POLN: variants seen among roughly 807,000 people sequenced by gnomAD.
POLN encodes DNA polymerase nu.
A neutral mutation model predicts 113.5 loss-of-function variants in POLN; 108 were observed. The observed-to-expected ratio is 0.95, with a 90% CI of 0.81 to 1.12. POLN has a LOEUF of 1.12. Among genes scored for constraint, POLN ranks in the 50% most tolerant of loss-of-function variants. POLN has a pLI of 0.00. For synonymous variants in POLN, 386 were observed against 391.5 expected, an observed-to-expected ratio of 0.99 and a Z score of 0.17; for missense variants, 1,097 against 1,077.1, an observed-to-expected ratio of 1.02 and a Z score of -0.26.
intron 16 of POLN, among the ~76,000 whole-genome samples, chr4:2,138,824 G>A (rs949597495): frequency 6.6e-6 from 1 of 151,970 alleles, no homozygotes; most frequent in African/African-American, 2.4e-5. Flanking sequence ...AACCCGGGAG[G>A]CAGAGGTTAC....
chr4:2,188,185 C>T (rs1733327841), intron 7 of POLN, among the ~76,000 whole-genome samples: 1 of 152,122 alleles, frequency 6.6e-6, no homozygotes, highest in Non-Finnish European at 1.5e-5. Context: ...ATTCTGTGCC[C>T]AGCAAAGCTA....
chr4:2,207,618 A>G (rs1353291498), intron 5 of POLN, among the ~76,000 whole-genome samples: 2 of 152,194 alleles, frequency 1.3e-5, no homozygotes, highest in African/African-American at 4.8e-5. Context: ...AATGGCCAAT[A>G]AGCACATGAA....
At chr4:2,223,717 T>C (rs562083207) in intron 3 of POLN, among the ~76,000 whole-genome samples, 3 of 152,326 alleles carry the variant, frequency 2.0e-5, no homozygotes, top group East Asian at 1.9e-4. Flanking sequence ...CTGAATACTG[T>C]AGGCAACTGT....
intron 19 of POLN, among the ~76,000 whole-genome samples, chr4:2,121,823 C>T (rs572674387): frequency 5.0e-4 from 75 of 151,402 alleles, no homozygotes; most frequent in African/African-American, 1.4e-3. Context: ...TATTGTTTTC[C>T]TATTGTCAAT....
At chr4:2,212,948 T>G in intron 4 of POLN, 99 bp downstream of exon 4, 2 of 627,718 alleles carry the variant, frequency 3.2e-6, no homozygotes. Context: ...TTTTAAGGTG[T>G]GGTATCTACA....
intron 14 of POLN, among the ~76,000 whole-genome samples, chr4:2,158,888 C>T (rs930957106): frequency 2.0e-5 from 3 of 152,172 alleles, no homozygotes; most frequent in Non-Finnish European, 4.4e-5. Flanking sequence ...GACACACAGC[C>T]GTGGCATGCC....
chr4:2,159,115 C>A, intron 14 of POLN, 40 bp downstream of exon 14: 1 of 1,449,958 alleles, frequency 6.9e-7, no homozygotes, highest in Non-Finnish European at 9.7e-7. Flanking sequence ...GGTTCCCCCT[C>A]ATCACCTTTT....
chr4:2,225,603 G>C (rs1011707124), intron 3 of POLN, among the ~76,000 whole-genome samples: 1 of 148,510 alleles, frequency 6.7e-6, no homozygotes, highest in Non-Finnish European at 1.5e-5. Flanking sequence ...ACAGATTTTA[G>C]TTTTTTGTTT....
intron 22 of POLN, 76 bp from the exon 23 acceptor site, chr4:2,081,112 C>G (rs754382636): frequency 1.9e-6 from 3 of 1,608,732 alleles, no homozygotes; most frequent in Non-Finnish European, 2.5e-6. Flanking sequence ...GCACCATCGC[C>G]ACAGCTCTCA....
At chr4:2,115,856 CTTCTG>C (rs1331380910) in intron 19 of POLN, among the ~76,000 whole-genome samples, 3 of 152,150 alleles carry the variant, frequency 2.0e-5, no homozygotes, top group Non-Finnish European at 2.9e-5. Context: ...AGAATTTTCC[CTTCTG>C]TGGGGTCCGG....
rs1734987754 is a variant in POLN, at chr4:2,241,528, C to G, written c.-21G>C. On this transcript the variant is annotated 5_prime_UTR_variant, in exon 2 of 26. Coordinates refer to ENST00000511885, the MANE Select transcript of POLN (RefSeq NM_181808.4). ...ATCAACTAAATATTTACCTCAACGT[C>G]TCGCCGGGCAAGGCTCCACCTCCAG... The G allele has an allele frequency of 3.0e-6, 3 of 985,802 alleles. No homozygotes were observed. In the South Asian group the frequency reaches 1.4e-4, roughly 46 times the overall value. 61.1% of individuals were successfully genotyped at this position (985,802 alleles called of 1,614,324 possible).
chr4:2,128,353 T>A (rs1288475454), intron 18 of POLN, 126 bp from the exon 19 acceptor site: 1 of 610,568 alleles, frequency 1.6e-6, no homozygotes, highest in African/African-American at 1.9e-5. Context: ...CTGCCTCCCA[T>A]CTCCCAGGGT....
chr4:2,095,111 AG>A (rs1238173642), intron 20 of POLN, among the ~76,000 whole-genome samples: 3 of 149,834 alleles, frequency 2.0e-5, no homozygotes, highest in Non-Finnish European at 3.0e-5. Flanking sequence ...AGCCCATGTC[AG>A]GGAGTCCAAG....
intron 16 of POLN, among the ~76,000 whole-genome samples, chr4:2,155,604 G>A (rs1732404909): frequency 6.6e-6 from 1 of 152,202 alleles, no homozygotes; most frequent in Non-Finnish European, 1.5e-5. Flanking sequence ...GGAAGGGAAA[G>A]ATGACTAACA....
chr4:2,127,360 C>T lies in POLN; in HGVS notation c.1982+753G>A, dbSNP rs1731609693. ...GATGTATAAGCCAAACACAATAATC[C>T]ACTCCTCCTTTTTTCTGGAGTATAA... On this transcript the variant is annotated intron_variant, in intron 19 of 25. Transcript: ENST00000511885. This position sits in a 1 kb window ranked among gnomAD's most constrained non-coding sequence, Gnocchi z 4.7. Among the ~76,000 whole-genome samples the T allele has an allele frequency of 6.6e-6, 1 of 152,096 alleles. No individual in the cohort carries two copies. Among genetic ancestry groups the T allele is most frequent in the South Asian group, 2.1e-4 (1 of 4,814 alleles).
intron 11 of POLN, among the ~76,000 whole-genome samples, chr4:2,173,671 T>C (rs1193006269): frequency 1.3e-5 from 2 of 152,164 alleles, no homozygotes; most frequent in Non-Finnish European, 2.9e-5. Flanking sequence ...CAAGAATTCC[T>C]TCACCAAACT....
intron 19 of POLN, among the ~76,000 whole-genome samples, chr4:2,098,729 C>T (rs958123283): frequency 2.6e-5 from 4 of 152,218 alleles, no homozygotes; most frequent in African/African-American, 4.8e-5. Flanking sequence ...AAGCAACCTG[C>T]TCAGTAGCAA....
At chr4:2,165,631 C>CTGACTGTAACGATGGTACCATTCT (rs1473368423) in intron 13 of POLN, among the ~76,000 whole-genome samples, 1 of 152,142 alleles carries the variant, frequency 6.6e-6, no homozygotes, top group Non-Finnish European at 1.5e-5. Context: ...TGTGGGTTCA[C>CTGACTGTAACGATGGTACCATTCT]TGACTGTAAC....
chr4:2,124,337 A>G (rs1731523375), intron 19 of POLN, among the ~76,000 whole-genome samples: 1 of 152,156 alleles, frequency 6.6e-6, no homozygotes, highest in Non-Finnish European at 1.5e-5. Context: ...TGGTGTAATC[A>G]TAGCTCACTG....
Sources: gnomAD v4.1 joint callset for allele counts (sites outside exome capture counted in the v4.1 genomes callset) on GRCh38, gnomAD v4.1.1 for gene constraint, Gnocchi (gnomAD v3.1) non-coding constraint, MANE v1.5 for transcripts, NCBI Gene and HGNC (gene_info 2026-07-23, HGNC 2026-07-21) for gene names.